Variants in USP9Y observed in about 807,000 individuals in gnomAD.
USP9Y encodes ubiquitin specific peptidase 9 Y-linked.
In USP9Y, 41 loss-of-function variants were observed where a neutral mutation model predicts 53.1. That is an observed-to-expected ratio of 0.77 (90% CI 0.60 to 1.00). The LOEUF (loss-of-function observed/expected upper bound fraction) is 1.00, where lower values mean the gene tolerates loss of function less well. USP9Y is among the 50% of genes least tolerant of loss of function. The pLI is 0.00. For missense variants in USP9Y, 567 were observed against 535.8 expected, an observed-to-expected ratio of 1.06 and a Z score of -0.58; for synonymous variants, 220 against 173.7, an observed-to-expected ratio of 1.27 and a Z score of -2.09.
chrY:12,772,519 C>T (rs751817681), intron 16 of USP9Y, among the ~76,000 whole-genome samples: 10 of 31,524 alleles, frequency 3.2e-4, no homozygotes, highest in African/African-American at 1.3e-3. Context: ...AATCCCAGCA[C>T]TTTGGGAGGC....
intron 42 of USP9Y, among the ~76,000 whole-genome samples, chrY:12,854,291 T>G: frequency 2.9e-5 from 1 of 33,996 alleles, no homozygotes; most frequent in Non-Finnish European, 7.3e-5. Flanking sequence ...AAAAGTGGCA[T>G]TAGATGGGTA....
At position 12,766,583 on chromosome Y, in the gene USP9Y, A is replaced by G. The variant is rs2053480104; in HGVS notation, c.1901-4485A>G. The stretch of plus-strand genomic sequence containing the variant: ...TTTCCTTTCAAGGTGGAGCATTAAC[A>G]CTTTATAGGAAAAGAGCCATCCTGA... On this transcript the variant is annotated intron_variant, in intron 15 of 45. Transcript: ENST00000338981. Among the ~76,000 whole-genome samples the G allele has an allele frequency of 9.0e-5, 3 of 33,327 alleles. No homozygotes were observed. The East Asian group carries it at 2.4e-3, about 26-fold the overall frequency. The allele number at this position is 33,327 out of a possible 37,273, so 89.4% of individuals were successfully genotyped here.
rs749838315 is a variant in USP9Y at position 12,730,936 on chromosome Y, G to A, written c.657+4143G>A. ...AAAGAGGATTTACCACTGCCATTTT[G>A]TTGTTTTCTGATGTCTTACAGCTTT... On this transcript the variant is annotated intron_variant, in intron 7 of 45. Coordinates refer to ENST00000338981, the MANE Select transcript of USP9Y (RefSeq NM_004654.4). 4.8e-4 allele frequency among the ~76,000 whole-genome samples: 16 copies of A among 33,172 alleles called. No individual in the cohort carries two copies. In the East Asian group the frequency reaches 0.01, roughly 21 times the overall value. The allele number at this position is 33,172 out of a possible 37,273, so 89.0% of individuals were successfully genotyped here.
At chrY:12,811,611 C>T in intron 29 of USP9Y, 24 bp from the exon 30 acceptor site, 1 of 395,684 alleles carries the variant, frequency 2.5e-6, no homozygotes, top group Admixed American at 7.5e-5. Context: ...GTGAGTTGGG[C>T]CTATAATATT....
intron 7 of USP9Y, among the ~76,000 whole-genome samples, 161 bp from the exon 8 acceptor site, chrY:12,735,451 A>G: frequency 3.0e-5 from 1 of 33,726 alleles, no homozygotes; most frequent in Non-Finnish European, 7.3e-5. Context: ...AATCTCTGTA[A>G]GTATATATAG....
At chrY:12,780,590 TG>T (rs2053497825) in intron 22 of USP9Y, among the ~76,000 whole-genome samples, 2 of 33,668 alleles carry the variant, frequency 5.9e-5, no homozygotes, top group African/African-American at 1.2e-4. Context: ...TTGGTTGTTT[TG>T]TTTTTTTCTA....
At chrY:12,761,140 A>G in intron 15 of USP9Y, among the ~76,000 whole-genome samples, 1 of 33,635 alleles carries the variant, frequency 3.0e-5, no homozygotes, top group Non-Finnish European at 7.4e-5. Flanking sequence ...TCATATTTTT[A>G]GCAGAGACAG....
intron 27 of USP9Y, among the ~76,000 whole-genome samples, chrY:12,808,196 G>A: frequency 8.8e-5 from 3 of 34,173 alleles, no homozygotes; most frequent in African/African-American, 3.4e-4. Flanking sequence ...TGTTTTATGG[G>A]TTAATCATAT....
At chrY:12,755,979 C>T in intron 12 of USP9Y, among the ~76,000 whole-genome samples, 1 of 33,006 alleles carries the variant, frequency 3.0e-5, no homozygotes, top group Non-Finnish European at 7.5e-5. Flanking sequence ...TTCTGACCCC[C>T]TGTGTGGTCC....
intron 10 of USP9Y, among the ~76,000 whole-genome samples, chrY:12,737,704 C>T: frequency 8.9e-5 from 3 of 33,604 alleles, no homozygotes; most frequent in Non-Finnish European, 2.2e-4. Flanking sequence ...TGTTGTGGCA[C>T]TTTTATTGTA....
chrY:12,706,199 T>TA (rs2053419205), intron 1 of USP9Y, among the ~76,000 whole-genome samples: 1 of 31,873 alleles, frequency 3.1e-5, no homozygotes, highest in African/African-American at 1.2e-4. Context: ...CTCTCCTCCC[T>TA]AAAAAAAAAT....
At chrY:12,713,785 T>TG (rs2053427351) in intron 3 of USP9Y, among the ~76,000 whole-genome samples, 30 of 27,913 alleles carry the variant, frequency 1.1e-3, no homozygotes, top group African/African-American at 5.4e-3. Context: ...TTTTTTTGTT[T>TG]TTGTTTTTTT....
chrY:12,794,513 CTG>C (rs2053511216), intron 27 of USP9Y, among the ~76,000 whole-genome samples: 1 of 33,110 alleles, frequency 3.0e-5, no homozygotes, highest in Admixed American at 2.7e-4. Context: ...TTTTGGTTTC[CTG>C]TGTTTCCATC....
At chrY:12,795,576 G>A (rs992658526) in intron 27 of USP9Y, among the ~76,000 whole-genome samples, 2 of 33,478 alleles carry the variant, frequency 6.0e-5, no homozygotes, top group African/African-American at 2.3e-4. Flanking sequence ...GAGAAGTAAG[G>A]AACCAAAAGC....
At chrY:12,803,482 C>G in intron 27 of USP9Y, 1 of 33,425 alleles carries the variant, frequency 3.0e-5, no homozygotes, top group African/African-American at 1.2e-4. Flanking sequence ...GTGTTTCTCC[C>G]CAAAGTTCTG....
chrY:12,711,974 A>G (rs2053425294), intron 3 of USP9Y, among the ~76,000 whole-genome samples: 2 of 33,529 alleles, frequency 6.0e-5, no homozygotes, highest in Admixed American at 5.5e-4. Context: ...GTGTGTTAGT[A>G]ACGAAATATT....
At chrY:12,739,291 A>G in intron 11 of USP9Y, among the ~76,000 whole-genome samples, 1 of 32,824 alleles carries the variant, frequency 3.0e-5, no homozygotes, top group Non-Finnish European at 7.5e-5. Flanking sequence ...GTAAGTTTTC[A>G]TATTAATTTC....
intron 27 of USP9Y, among the ~76,000 whole-genome samples, chrY:12,804,748 A>T: frequency 3.0e-5 from 1 of 32,954 alleles, no homozygotes; most frequent in Non-Finnish European, 7.5e-5. Context: ...TCACAATGTC[A>T]GGAGTTCGAG....
chrY:12,710,984 T>G, intron 3 of USP9Y, among the ~76,000 whole-genome samples: 4 of 33,029 alleles, frequency 1.2e-4, no homozygotes, highest in Non-Finnish European at 7.4e-5. Context: ...AAAATGGTTT[T>G]GGGATGAAAC....
Sources: allele counts gnomAD v4.1 joint callset (sites outside exome capture counted in the v4.1 genomes callset), GRCh38; gene constraint gnomAD v4.1.1; transcripts MANE v1.5; gene names NCBI Gene and HGNC (gene_info 2026-07-23, HGNC 2026-07-21).